IGSF1: variants seen among roughly 807,000 people sequenced by gnomAD.
The protein encoded by IGSF1 is immunoglobulin superfamily member 1, also known as immunoglobulin-like domain-containing protein 1.
IGSF1 carries 40 observed loss-of-function variants against 95.3 expected under a neutral mutation model. The observed-to-expected ratio is 0.42, with a 90% CI of 0.33 to 0.55. The LOEUF is 0.55. Ranked by LOEUF, IGSF1 falls within the 20% of genes least tolerant of loss-of-function variation. The pLI, the probability that IGSF1 is intolerant of heterozygous loss-of-function variation, is 0.10. For synonymous variants in IGSF1, 372 were observed against 382.9 expected (o/e 0.97, Z 0.33); for missense variants, 906 against 1,025.4 (o/e 0.88, Z 1.59).
chrX:131,286,769 G>T, intron 1 of IGSF1, 28 bp from the exon 2 acceptor site: 1 of 722,386 alleles, frequency 1.4e-6, no homozygotes, highest in Non-Finnish European at 2.0e-6. Context: ...TTTACTCAGA[G>T]GACTTGTCCT....
rs763447815 is a variant in IGSF1 at position 131,278,363 on chromosome X, C to T, written c.2041+98G>A. The T allele has an allele frequency of 2.2e-5, 19 of 873,879 alleles. No individual in the cohort carries two copies. The East Asian group carries it at 5.3e-4, about 25-fold the overall frequency. 72.0% of individuals were successfully genotyped at this position (873,879 alleles called of 1,213,427 possible). On this transcript the variant is annotated intron_variant, in intron 12 of 19. Transcript: ENST00000361420. ...ACATGCAGCACGAGCCCCTTGGGCT[C>T]CAGGGTCCCTGTGAGTTCATTCCCT...
At chrX:131,285,528 AGAG>A in intron 4 of IGSF1, 62 bp from the exon 5 acceptor site, 2 of 1,084,035 alleles carry the variant, frequency 1.8e-6, no homozygotes, top group African/African-American at 3.7e-5. Context: ...AGGGAGCAGC[AGAG>A]GAGAGCTCTA....
chrX:131,284,365 G>T, intron 5 of IGSF1: 1 of 239,656 alleles, frequency 4.2e-6, no homozygotes, highest in Non-Finnish European at 5.9e-6. Flanking sequence ...GGAAGCCAAA[G>T]CACAGAAAAG....
At chrX:131,286,162 C>T in intron 3 of IGSF1, 114 bp from the exon 4 acceptor site, 1 of 714,311 alleles carries the variant, frequency 1.4e-6, no homozygotes, top group Non-Finnish European at 2.1e-6. Context: ...TTTTGTCTTC[C>T]CTTGGGGACA....
chrX:131,287,570 A>G (rs941210567), intron 1 of IGSF1, among the ~76,000 whole-genome samples: 6 of 111,681 alleles, frequency 5.4e-5, no homozygotes, highest in African/African-American at 2.0e-4. Context: ...GTTAATTTAC[A>G]TAAGGTCTAA....
At chrX:131,288,546 TGGACCCCTAAACCA>T (rs1022155121) in intron 1 of IGSF1, among the ~76,000 whole-genome samples, 3 of 111,747 alleles carry the variant, frequency 2.7e-5, no homozygotes, top group African/African-American at 9.8e-5. Context: ...CCTTGCCACT[TGGACCCCTAAACCA>T]GGATCTTTGC....
At position 131,277,208 on chromosome X, in the gene IGSF1, A is replaced by C. The variant is rs1227263678; in HGVS notation, c.2339T>G (p.Phe780Cys). The C allele has an allele frequency of 8.3e-7, 1 of 1,207,349 alleles. No individual in the cohort carries two copies. The highest frequency in any genetic ancestry group is 1.8e-5 in the South Asian group (1 of 56,208). The change falls in exon 14 of 20, where the codon TTC (phenylalanine) becomes TGC (cysteine). Residue 780 changes from phenylalanine (F) to cysteine (C), a missense_variant. Around this residue, in one of 5 missense-constraint regions of IGSF1, gnomAD observed 411 missense variants for 494.9 expected, o/e 0.83. Coordinates refer to ENST00000361420, the MANE Select transcript of IGSF1 (RefSeq NM_001555.5). ...LVIKEMYPKP[F>C]FKTWASPVVT... Reference sequence around the variant, plus strand: ...CACAGGGCTGGCCCATGTCTTGAAGAAGGGCTTAGGGTACATTTCTAGAAG... The same window carrying C: ...CACAGGGCTGGCCCATGTCTTGAAGCAGGGCTTAGGGTACATTTCTAGAAG...
rs772217311 is a variant in IGSF1, at chrX:131,276,103, C to T, written c.2754G>A (p.Arg918=). Residue 918 remains arginine (R), a synonymous_variant, in exon 15 of 20, where the codon CGG becomes CGA. Transcript: ENST00000361420. The part of the protein sequence containing the change: ...QEGAHVPLQF[R]SVSGNSADFL... ...AGTCAGCTGAGTTCCCTGAGACACT[C>T]CGAAACTGTAAGGGAACATGGGCTC... 2 of 1,211,186 alleles carry T rather than the reference C, an allele frequency of 1.7e-6. No individual in the cohort carries two copies. The highest frequency in any genetic ancestry group is 4.4e-5 in the Admixed American group (2 of 45,860).
At chrX:131,287,395 C>G (rs1026360079) in intron 1 of IGSF1, among the ~76,000 whole-genome samples, 1 of 109,983 alleles carries the variant, frequency 9.1e-6, no homozygotes, top group Non-Finnish European at 1.9e-5. Flanking sequence ...CCAGAGGTAC[C>G]CTTCACTCCC....
Position 131,275,765 on chromosome X carries a change from T to C in IGSF1, c.2897A>G (p.Asp966Gly). ...AAACAACCATGGCTTAGGGAATGTG[T>C]CTAGAAAGAGACCAAGGTTGTAAAG... Reference protein sequence around the residue: ...LSMPLMIWVTDTFPKPWLFAE... With the variant: ...LSMPLMIWVTGTFPKPWLFAE... Residue 966 changes from aspartate (D) to glycine (G), a missense_variant and splice_region_variant, in exon 16 of 20, where the codon GAC becomes GGC. This residue lies in a region of IGSF1 where 411 missense variants were observed against 494.9 expected (regional missense o/e 0.83). Transcript: ENST00000361420. The C allele has an allele frequency of 8.3e-7, 1 of 1,206,106 alleles. No homozygotes were observed.
Position 131,281,198 on chromosome X carries a change from G to A in IGSF1, c.1646+20C>T, listed in dbSNP as rs1243260150. ...GACTCTGTTAGGTTGGGGAACAGGG[G>A]GCTGGGACAAGACAGTTACCTGATT... On this transcript the variant is annotated intron_variant, in intron 9 of 19. Transcript: ENST00000361420. 2 of 1,207,650 alleles carry A rather than the reference G, an allele frequency of 1.7e-6. No individual in the cohort carries two copies. The highest frequency in any genetic ancestry group is 1.8e-5 in the South Asian group (1 of 56,833).
chrX:131,278,287 C>T (rs926644175), intron 12 of IGSF1, among the ~76,000 whole-genome samples, 153 bp from the exon 13 acceptor site: 26 of 110,599 alleles, frequency 2.4e-4, no homozygotes, highest in Non-Finnish European at 4.5e-4. Flanking sequence ...TCCCATTCCG[C>T]CCCTCCCCCT....
chrX:131,274,434 A>C (rs779572202), intron 18 of IGSF1, among the ~76,000 whole-genome samples, 165 bp downstream of exon 18: 2 of 111,594 alleles, frequency 1.8e-5, no homozygotes, highest in Non-Finnish European at 3.8e-5. Context: ...ATCTTCAAAT[A>C]TATTTAAGGT....
intron 13 of IGSF1, chrX:131,277,538 T>G: frequency 2.7e-6 from 1 of 375,087 alleles, no homozygotes; most frequent in Non-Finnish European, 4.6e-6. Flanking sequence ...TTTGCCCATT[T>G]GGACAAGGGG....
chrX:131,289,235 A>T lies in IGSF1; in HGVS notation c.-89T>A, dbSNP rs763357655. The T allele has an allele frequency of 1.9e-5, 7 of 373,048 alleles. No individual in the cohort carries two copies. Among genetic ancestry groups the T allele is most frequent in the Non-Finnish European group, 3.1e-5 (6 of 191,702 alleles). 30.7% of individuals were successfully genotyped at this position (373,048 alleles called of 1,213,427 possible). ...TTACGGTAGTTGAAGGCCCGCTCCG[A>T]TGTTGGAGATTCTCCAGTGAGCTCC... is the stretch of plus-strand genomic sequence containing the variant. On this transcript the variant is annotated 5_prime_UTR_variant, in exon 1 of 20. Coordinates refer to ENST00000361420, the MANE Select transcript of IGSF1 (RefSeq NM_001555.5).
chrX:131,288,690 G>GTA (rs2080676540), intron 1 of IGSF1, among the ~76,000 whole-genome samples: 1 of 110,820 alleles, frequency 9.0e-6, no homozygotes, highest in East Asian at 2.8e-4. Context: ...TTATACCGGG[G>GTA]GAACATGAGA....
chrX:131,281,081 T>G, intron 9 of IGSF1, 137 bp downstream of exon 9: 2 of 650,584 alleles, frequency 3.1e-6, no homozygotes, highest in Admixed American at 2.9e-5. Context: ...ACAGGTGGGG[T>G]GAGAAAGTCT....
intron 14 of IGSF1, 82 bp downstream of exon 14, chrX:131,276,857 C>T (rs1232554516): frequency 2.3e-5 from 22 of 973,290 alleles, no homozygotes; most frequent in Non-Finnish European, 3.1e-5. Context: ...TTAGAAGAAA[C>T]ATTTCTTCCT....
chrX:131,278,330 C>T (rs1053747444), intron 12 of IGSF1, 131 bp downstream of exon 12: 1 of 675,225 alleles, frequency 1.5e-6, no homozygotes. Context: ...CAGTGCCCCT[C>T]CTCTCCTACA....
Sources: gnomAD v4.1 joint callset for allele counts (sites outside exome capture counted in the v4.1 genomes callset) on GRCh38, gnomAD v4.1.1 for gene constraint, gnomAD v4.1.1 regional missense constraint, MANE v1.5 for transcripts, NCBI Gene and HGNC (gene_info 2026-07-23, HGNC 2026-07-21) for gene names.